Variants in ARHGAP25 observed in about 807,000 individuals in gnomAD.
The protein encoded by ARHGAP25 is Rho GTPase activating protein 25.
In ARHGAP25, 34 loss-of-function variants were observed where a neutral mutation model predicts 71.0. That is an observed-to-expected ratio of 0.48 (90% CI 0.36 to 0.64). The LOEUF is 0.64. Among genes scored for constraint, ARHGAP25 ranks in the 30% least tolerant of loss-of-function variants. The pLI is 0.00. For missense variants in ARHGAP25, 706 were observed against 805.1 expected (o/e 0.88, Z 1.49); for synonymous variants, 282 against 296.5 (o/e 0.95, Z 0.50).
At chr2:68,780,572 G>A (rs1477942255) in intron 2 of ARHGAP25, among the ~76,000 whole-genome samples, 3 of 139,886 alleles carry the variant, frequency 2.1e-5, no homozygotes, top group South Asian at 2.4e-4. Flanking sequence ...TTTCTAGACC[G>A]ATTTTCTTTT....
At chr2:68,778,576 T>A (rs773803362) in intron 2 of ARHGAP25, among the ~76,000 whole-genome samples, 20 of 152,268 alleles carry the variant, frequency 1.3e-4, no homozygotes, top group Non-Finnish European at 2.4e-4. Context: ...AACATCACAA[T>A]AATCTTGGAG....
Position 68,769,141 on chromosome 2 carries a change from C to T in ARHGAP25, c.62-6080C>T, listed in dbSNP as rs553938648. 3.3e-5 allele frequency among the ~76,000 whole-genome samples: 5 copies of T among 152,280 alleles called. No homozygotes were observed. The South Asian group carries it at 6.2e-4, about 19-fold the overall frequency. On this transcript the variant is annotated intron_variant, in intron 1 of 10. Coordinates refer to ENST00000409202, the MANE Select transcript of ARHGAP25 (RefSeq NM_001007231.3). ...CTTCCATCCTAATCCAGGCTTCTGG[C>T]TTTGCACCTGGAATATTGTGCAATG...
At chr2:68,805,402 C>G (rs1680290662) in intron 4 of ARHGAP25, among the ~76,000 whole-genome samples, 1 of 152,066 alleles carries the variant, frequency 6.6e-6, no homozygotes, top group Non-Finnish European at 1.5e-5. Flanking sequence ...GTGGGGAATA[C>G]AGAGGCCACC....
chr2:68,818,056 G>C, intron 8 of ARHGAP25, 62 bp downstream of exon 8: 2 of 1,596,920 alleles, frequency 1.3e-6, no homozygotes, highest in Non-Finnish European at 1.7e-6. Flanking sequence ...CATTCCCCCT[G>C]ATATTTGTGC....
In ARHGAP25 at chr2:68,819,274, C is replaced by T. The variant is rs17604346; in HGVS notation, c.1155C>T (p.Ala385=). The change falls in exon 9 of 11, where the codon GCC becomes GCT. Residue 385 remains alanine (A), a synonymous_variant. Coordinates refer to ENST00000409202, the MANE Select transcript of ARHGAP25 (RefSeq NM_001007231.3). ...PVARSSVGWD[A]TEDLRISRTD... is the part of the protein sequence containing the mutation. ...CCCGAAGCTCTGTAGGCTGGGATGC[C>T]ACTGAAGACCTCCGAATTTCTAGGA... 0.03 allele frequency: 48,994 copies of T among 1,614,044 alleles called. 978 individuals carry two copies. Among genetic ancestry groups the T allele is most frequent in the South Asian group, 0.057 (5,207 of 91,080 alleles).
chr2:68,790,519 C>CT lies in ARHGAP25; in HGVS notation c.466+2564dup, dbSNP rs573539576. Among the ~76,000 whole-genome samples, 10 of 152,342 alleles carry CT rather than the reference C, an allele frequency of 6.6e-5. No individual in the cohort carries two copies. In the South Asian group the frequency reaches 2.1e-3, roughly 32 times the overall value. On this transcript the variant is annotated intron_variant, in intron 4 of 10. Coordinates refer to ENST00000409202, the MANE Select transcript of ARHGAP25 (RefSeq NM_001007231.3). ...GCACATTACCACTTGGAAAGAATCTCTAACGTGGGTTGACTAGATGGGAAA... is the reference window on the plus strand; with the variant it reads ...GCACATTACCACTTGGAAAGAATCTCTTAACGTGGGTTGACTAGATGGGAAA...
intron 2 of ARHGAP25, among the ~76,000 whole-genome samples, chr2:68,723,910 C>T (rs866236520): frequency 6.8e-6 from 1 of 146,846 alleles, no homozygotes; most frequent in African/African-American, 2.5e-5. Flanking sequence ...GGCTCTCACT[C>T]GGTTGCCTTG....
intron 9 of ARHGAP25, among the ~76,000 whole-genome samples, chr2:68,820,198 A>G (rs1381965862): frequency 6.6e-6 from 1 of 152,242 alleles, no homozygotes; most frequent in Non-Finnish European, 1.5e-5. Context: ...AGATCATCCC[A>G]CAGTCCTTGA....
intron 4 of ARHGAP25, among the ~76,000 whole-genome samples, chr2:68,801,217 G>C (rs1235969856): frequency 6.6e-6 from 1 of 152,150 alleles, no homozygotes; most frequent in East Asian, 1.9e-4. Flanking sequence ...AGCTTTGACG[G>C]ATTTCTAGGC....
intron 10 of ARHGAP25, among the ~76,000 whole-genome samples, chr2:68,824,758 A>G (rs1339773406): frequency 6.6e-6 from 1 of 151,496 alleles, no homozygotes; most frequent in Non-Finnish European, 1.5e-5. Flanking sequence ...AACAAAAGGA[A>G]AAAAAAAAGA....
rs959424494 is a variant in ARHGAP25 at position 68,825,907 on chromosome 2, C to T, written c.1734-80C>T. Reference sequence around the variant, plus strand: ...TCTTGTGATTTGAAAGGAAAATGAGCAGCAGGTTGTGAGCAAGGGGGAAGG... The same window carrying T: ...TCTTGTGATTTGAAAGGAAAATGAGTAGCAGGTTGTGAGCAAGGGGGAAGG... On this transcript the variant is annotated intron_variant, in intron 10 of 10. Coordinates refer to ENST00000409202, the MANE Select transcript of ARHGAP25 (RefSeq NM_001007231.3). 2.5e-6 allele frequency: 3 copies of T among 1,217,944 alleles called. No homozygotes were observed. The African/African-American group carries it at 4.6e-5, about 19-fold the overall frequency. The allele number at this position is 1,217,944 out of a possible 1,614,324, so 75.4% of individuals were successfully genotyped here. A position where few individuals can be genotyped will look rare whatever the true frequency, so the allele number is the denominator to read the frequency against.
intron 1 of ARHGAP25, among the ~76,000 whole-genome samples, chr2:68,766,460 C>T (rs771112168): frequency 6.6e-6 from 1 of 152,074 alleles, no homozygotes; most frequent in Admixed American, 6.5e-5. Context: ...CAGAGACAGG[C>T]GGAGAGGGCT....
chr2:68,721,596 G>A (rs534995012), intron 2 of ARHGAP25, among the ~76,000 whole-genome samples: 9 of 152,200 alleles, frequency 5.9e-5, no homozygotes, highest in South Asian at 2.1e-4. Flanking sequence ...GGTGTTCTAC[G>A]TGTAATCACT....
rs776720931 is a variant in ARHGAP25, at chr2:68,767,260, T to TG, written c.62-7954dup. Among the ~76,000 whole-genome samples the TG allele has an allele frequency of 3.3e-5, 5 of 151,956 alleles. No homozygotes were observed. The highest frequency in any genetic ancestry group is 6.5e-5 in the Admixed American group (1 of 15,272). Reference sequence around the variant, plus strand: ...CAAAAGAATGATGGGTGCTTTTCAATGGGGGGGTGGCGTTTGCTTTGAAGA... The same window carrying TG: ...CAAAAGAATGATGGGTGCTTTTCAATGGGGGGGGTGGCGTTTGCTTTGAAGA... On this transcript the variant is annotated intron_variant, in intron 1 of 10. Transcript: ENST00000409202. This position sits in a 1 kb window ranked among gnomAD's most constrained non-coding sequence, Gnocchi z 4.6.
chr2:68,798,232 A>T (rs1339119817), intron 4 of ARHGAP25, among the ~76,000 whole-genome samples: 1 of 152,158 alleles, frequency 6.6e-6, no homozygotes. Context: ...CTGCACCCTT[A>T]TGAGCATGAT....
intron 1 of ARHGAP25, among the ~76,000 whole-genome samples, chr2:68,760,863 C>CAAAAAA (rs749565883): frequency 1.8e-5 from 1 of 54,540 alleles, no homozygotes; most frequent in Non-Finnish European, 3.7e-5. Flanking sequence ...TCCTGAATAG[C>CAAAAAA]AAAAAAAAAA....
At chr2:68,778,949 A>G (rs1678121430) in intron 2 of ARHGAP25, among the ~76,000 whole-genome samples, 1 of 152,216 alleles carries the variant, frequency 6.6e-6, no homozygotes, top group Non-Finnish European at 1.5e-5. Context: ...AAGGCTGTGT[A>G]AGTCCATGAA....
chr2:68,741,487 C>G (rs1185911318), intron 1 of ARHGAP25, among the ~76,000 whole-genome samples: 1 of 152,146 alleles, frequency 6.6e-6, no homozygotes, highest in East Asian at 1.9e-4. Context: ...CTTCTAACGC[C>G]CATTTGATTA....
chr2:68,779,930 C>T (rs375466543), intron 2 of ARHGAP25, among the ~76,000 whole-genome samples: 21 of 152,382 alleles, frequency 1.4e-4, no homozygotes, highest in African/African-American at 5.0e-4. Flanking sequence ...GTCATTTACA[C>T]CTTGGTGTGA....
Sources: gnomAD v4.1 joint callset for allele counts (sites outside exome capture counted in the v4.1 genomes callset) on GRCh38, gnomAD v4.1.1 for gene constraint, Gnocchi (gnomAD v3.1) non-coding constraint, MANE v1.5 for transcripts, NCBI Gene and HGNC (gene_info 2026-07-23, HGNC 2026-07-21) for gene names.